RAB6A: variants seen among roughly 807,000 people sequenced by gnomAD.
RAB6A encodes the protein ras-related protein Rab-6A.
RAB6A carries 8 observed loss-of-function variants against 32.3 expected under a neutral mutation model. That is an observed-to-expected ratio of 0.25 (90% CI 0.15 to 0.45). The LOEUF (loss-of-function observed/expected upper bound fraction) is 0.45, where lower values mean the gene tolerates loss of function less well. Among genes scored for constraint, RAB6A ranks in the 20% least tolerant of loss-of-function variants. The pLI is 1.00. For synonymous variants in RAB6A, 73 were observed against 82.1 expected, an observed-to-expected ratio of 0.89 and a Z score of 0.60; for missense variants, 104 against 249.4, an observed-to-expected ratio of 0.42 and a Z score of 3.93.
chr11:73,693,556 CTTTTTTT>C (rs891656563), intron 6 of RAB6A, among the ~76,000 whole-genome samples: 16 of 119,034 alleles, frequency 1.3e-4, no homozygotes, highest in African/African-American at 3.4e-4. Context: ...AAGACTCCAT[CTTTTTTT>C]TTTTTTTTTT....
intron 6 of RAB6A, among the ~76,000 whole-genome samples, chr11:73,695,379 G>GTTTTTT (rs71469463): frequency 1.4e-5 from 2 of 147,178 alleles, no homozygotes; most frequent in Admixed American, 6.8e-5. Context: ...CAGTTTTTTT[G>GTTTTTT]TTTTTTTTTT....
chr11:73,719,362 C>A (rs1946099641), intron 3 of RAB6A, among the ~76,000 whole-genome samples: 1 of 152,230 alleles, frequency 6.6e-6, no homozygotes, highest in Non-Finnish European at 1.5e-5. Flanking sequence ...CCTATTGGGT[C>A]TAGAATACTT....
intron 6 of RAB6A, among the ~76,000 whole-genome samples, chr11:73,696,606 T>C (rs1237760994): frequency 6.6e-6 from 1 of 152,150 alleles, no homozygotes; most frequent in Admixed American, 6.5e-5. Context: ...GATCATTTTT[T>C]ACAGAAGAGC....
intron 5 of RAB6A, among the ~76,000 whole-genome samples, chr11:73,715,539 C>T (rs951005377): frequency 2.6e-5 from 4 of 152,118 alleles, no homozygotes; most frequent in Middle Eastern, 3.2e-3. Flanking sequence ...GTTCATTACC[C>T]GAATTTCAAT....
chr11:73,720,043 TG>T, intron 3 of RAB6A, among the ~76,000 whole-genome samples: 1 of 152,130 alleles, frequency 6.6e-6, no homozygotes, highest in South Asian at 2.1e-4. Context: ...CTCAAAGTAC[TG>T]CATTTAAGAT....
intron 1 of RAB6A, among the ~76,000 whole-genome samples, chr11:73,758,397 T>C (rs1007215320): frequency 6.6e-6 from 1 of 152,156 alleles, no homozygotes; most frequent in African/African-American, 2.4e-5. Context: ...TAATGCAAGA[T>C]GTTGATAACA....
At chr11:73,696,915 T>A (rs1412113475) in intron 6 of RAB6A, among the ~76,000 whole-genome samples, 3 of 152,104 alleles carry the variant, frequency 2.0e-5, no homozygotes, top group Non-Finnish European at 4.4e-5. Flanking sequence ...TGATTACTTT[T>A]AAATTTTAAG....
At chr11:73,730,886 T>C (rs1946291930) in intron 1 of RAB6A, 63 bp from the exon 2 acceptor site, 2 of 1,289,700 alleles carry the variant, frequency 1.6e-6, no homozygotes, top group Non-Finnish European at 2.2e-6. Flanking sequence ...TCAGAAAATT[T>C]TTCTACAGAG....
chr11:73,731,733 C>CAT (rs1946315353), intron 1 of RAB6A, among the ~76,000 whole-genome samples: 2 of 8,582 alleles, frequency 2.3e-4, no homozygotes, highest in African/African-American at 8.2e-4. Context: ...TATATATATA[C>CAT]ACACACACAC....
chr11:73,709,483 T>A (rs1945906889), intron 5 of RAB6A, among the ~76,000 whole-genome samples: 1 of 142,016 alleles, frequency 7.0e-6, no homozygotes, highest in African/African-American at 2.6e-5. Context: ...TTATGACTCG[T>A]GGATTTAAAC....
At chr11:73,718,035 TG>T (rs1946077020) in intron 4 of RAB6A, among the ~76,000 whole-genome samples, 1 of 152,166 alleles carries the variant, frequency 6.6e-6, no homozygotes, top group African/African-American at 2.4e-5. Flanking sequence ...ATTTTTTTCT[TG>T]GAGAGAAATG....
At chr11:73,719,150 C>T (rs1213602381) in intron 3 of RAB6A, among the ~76,000 whole-genome samples, 1 of 152,132 alleles carries the variant, frequency 6.6e-6, no homozygotes, top group Non-Finnish European at 1.5e-5. Flanking sequence ...AGAAATATGG[C>T]TTCCCTTTTT....
intron 1 of RAB6A, among the ~76,000 whole-genome samples, chr11:73,732,759 CA>C (rs1397482978): frequency 6.6e-6 from 1 of 152,044 alleles, no homozygotes; most frequent in African/African-American, 2.4e-5. Flanking sequence ...GACTCTGTCT[CA>C]AAGCAAACAA....
At position 73,760,917 on chromosome 11, in the gene RAB6A, A is replaced by C; in HGVS notation, c.-282T>G. ...GCCAGGGGTGTCCTCTGGCTTCCCA[A>C]AGCTAGGGCCGTTCCCTCCTTCCGC... On this transcript the variant is annotated 5_prime_UTR_variant, in exon 1 of 8. Coordinates refer to ENST00000336083, the MANE Select transcript of RAB6A (RefSeq NM_198896.2). 5.3e-6 allele frequency: 2 copies of C among 380,206 alleles called. No homozygotes were observed. The highest frequency in any genetic ancestry group is 4.5e-5 in the Admixed American group (1 of 22,078). The allele number at this position is 380,206 out of a possible 1,614,324, so 23.6% of individuals were successfully genotyped here. A position where few individuals can be genotyped will look rare whatever the true frequency, so the allele number is the denominator to read the frequency against.
At chr11:73,760,422 CG>C (rs35526914) in intron 1 of RAB6A, 143 bp downstream of exon 1, 4 of 1,133,042 alleles carry the variant, frequency 3.5e-6, no homozygotes, top group East Asian at 2.6e-5. Context: ...CCAGTGGCAC[CG>C]GGGGGCACAT....
intron 7 of RAB6A, among the ~76,000 whole-genome samples, chr11:73,678,729 T>A (rs886375298): frequency 5.9e-5 from 9 of 151,520 alleles, no homozygotes; most frequent in African/African-American, 2.2e-4. Flanking sequence ...TGTTGTGTTT[T>A]TTTTTTTGGG....
rs184696137 is a variant in RAB6A, at chr11:73,724,353, A to G, written c.130-3454T>C. Among the ~76,000 whole-genome samples, 5 of 152,366 alleles carry G rather than the reference A, an allele frequency of 3.3e-5. No individual in the cohort carries two copies. In the East Asian group the frequency reaches 7.7e-4, roughly 23 times the overall value. The stretch of plus-strand genomic sequence containing the variant: ...TGACTAAAAGTAAATTTTATAGTAT[A>G]TAAGTCAAGAACAGTACTCTCTTCC... On this transcript the variant is annotated intron_variant, in intron 2 of 7. Coordinates refer to ENST00000336083, the MANE Select transcript of RAB6A (RefSeq NM_198896.2).
chr11:73,682,411 C>G (rs1314271027), intron 6 of RAB6A, among the ~76,000 whole-genome samples: 2 of 152,172 alleles, frequency 1.3e-5, no homozygotes, highest in African/African-American at 4.8e-5. Flanking sequence ...CGCCTGTAAT[C>G]CCAGTACTTT....
At chr11:73,730,202 T>C (rs1357230591) in intron 2 of RAB6A, 1 of 152,252 alleles carries the variant, frequency 6.6e-6, no homozygotes, top group Non-Finnish European at 1.5e-5. Context: ...AAGTAGAATG[T>C]TAGGCTATTT....
Sources: allele counts gnomAD v4.1 joint callset (sites outside exome capture counted in the v4.1 genomes callset), GRCh38; gene constraint gnomAD v4.1.1; transcripts MANE v1.5; gene names NCBI Gene and HGNC (gene_info 2026-07-23, HGNC 2026-07-21).